The following ARHGAP32 variants were observed in gnomAD, a reference collection of about 807,000 sequenced individuals.
The protein encoded by ARHGAP32 is Rho GTPase activating protein 32, also known as rho GTPase-activating protein 32.
Under a neutral mutation model 186.5 loss-of-function variants are expected in ARHGAP32, and 51 were observed. The ratio of observed to expected loss-of-function variants is 0.27; its 90% CI spans 0.22 to 0.35. ARHGAP32 has a LOEUF of 0.35. Among genes scored for constraint, ARHGAP32 ranks in the 10% least tolerant of loss-of-function variants. ARHGAP32 has a pLI of 1.00. For synonymous variants in ARHGAP32, 950 were observed against 964.3 expected (o/e 0.99, Z 0.27); for missense variants, 2,186 against 2,623.5 (o/e 0.83, Z 3.64).
chr11:128,967,303 T>C lies in ARHGAP32; in HGVS notation c.*1604A>G, dbSNP rs1428899812. 1 of 152,210 alleles carries C rather than the reference T, an allele frequency of 6.6e-6. No homozygotes were observed. Among genetic ancestry groups the C allele is most frequent in the Non-Finnish European group, 1.5e-5 (1 of 68,018 alleles). 9.4% of individuals were successfully genotyped at this position (152,210 alleles called of 1,614,324 possible). Reference sequence around the variant, plus strand: ...AAAAGATTTCCTCCTTTGCTCTAAATAAAAATTAATTTCAAGTTCTAAAAA... The same window carrying C: ...AAAAGATTTCCTCCTTTGCTCTAAACAAAAATTAATTTCAAGTTCTAAAAA... On this transcript the variant is annotated 3_prime_UTR_variant, in exon 23 of 23. Transcript: ENST00000682385.
upstream of ARHGAP32, among the ~76,000 whole-genome samples, chr11:129,193,610 A>AAT (rs1289788565): frequency 1.4e-4 from 11 of 78,236 alleles, no homozygotes; most frequent in African/African-American, 4.2e-4. Flanking sequence ...TATAATATAT[A>AAT]ATATATGTTA....
At chr11:128,985,831 C>CGT (rs369790310) in intron 15 of ARHGAP32, 172 bp downstream of exon 15, 3,630 of 115,344 alleles carry the variant, frequency 0.031, 115 homozygotes, top group East Asian at 0.12. Context: ...TGTGTGTGTG[C>CGT]GTGTGTGTGT....
chr11:129,276,616 TG>T (rs1945535129), intron 1 of ARHGAP32, among the ~76,000 whole-genome samples: 1 of 152,230 alleles, frequency 6.6e-6, no homozygotes. Context: ...TTTATATGCA[TG>T]TTTTTTAAAT....
At position 129,129,075 on chromosome 11, in the gene ARHGAP32, C is replaced by T. The variant is rs575106655; in HGVS notation, c.226-4181G>A. On this transcript the variant is annotated intron_variant, in intron 2 of 22. Transcript: ENST00000682385. ...TGGGATGTGGGGAGCGCCTCTGCCC[C>T]GCCGCCCCGTCTGGGATGTGAAGGG... is the stretch of plus-strand genomic sequence containing the variant. 3.5e-3 allele frequency among the ~76,000 whole-genome samples: 532 copies of T among 151,544 alleles called. 2 individuals carry two copies. The highest frequency in any genetic ancestry group is 0.012 in the African/African-American group (512 of 41,230).
At chr11:129,196,516 T>A (rs1944393740), upstream of ARHGAP32, among the ~76,000 whole-genome samples, 1 of 152,228 alleles carries the variant, frequency 6.6e-6, no homozygotes, top group Non-Finnish European at 1.5e-5. Context: ...TATAAGTGAC[T>A]TGAGTATCTA....
In ARHGAP32 at chr11:129,275,810, C is replaced by T. The variant is rs536198815; in HGVS notation, c.-5+3336G>A. The stretch of plus-strand genomic sequence containing the variant: ...TATCCTTCTTTGGATTGTTTTCAAC[C>T]ATTTAAAAATATAAAAATCATTCTT... On this transcript the variant is annotated intron_variant, in intron 1 of 6. Coordinates refer to the ARHGAP32 transcript ENST00000525234. Among the ~76,000 whole-genome samples, 847 of 152,346 alleles carry T rather than the reference C, an allele frequency of 5.6e-3. 2 individuals carry two copies. The highest frequency in any genetic ancestry group is 0.051 in the Middle Eastern group (15 of 294).
intron 5 of ARHGAP32, among the ~76,000 whole-genome samples, chr11:129,120,507 A>AATTGTTTTTTAAG (rs1263414862): frequency 3.9e-5 from 6 of 152,134 alleles, no homozygotes; most frequent in Non-Finnish European, 8.8e-5. Flanking sequence ...AAAAGTACTG[A>AATTGTTTTTTAAG]CATGTCTAAA....
intron 3 of ARHGAP32, 119 bp downstream of exon 3, chr11:129,124,684 G>T: frequency 1.6e-6 from 1 of 644,660 alleles, no homozygotes; most frequent in East Asian, 2.8e-5. Context: ...TTAAGGATTA[G>T]CAGTTGCACA....
intron 10 of ARHGAP32, among the ~76,000 whole-genome samples, chr11:129,046,317 A>G (rs1939803552): frequency 6.7e-6 from 1 of 148,154 alleles, no homozygotes; most frequent in Admixed American, 6.6e-5. Context: ...TTTTTAATAC[A>G]ATTCATTTCA....
chr11:129,260,291 G>A (rs1040861460), intron 1 of ARHGAP32, among the ~76,000 whole-genome samples: 2 of 152,074 alleles, frequency 1.3e-5, no homozygotes, highest in Non-Finnish European at 2.9e-5. Flanking sequence ...TGGCGGCAAT[G>A]GTCTTATGAT....
At chr11:129,110,745 T>C (rs1942188124) in intron 5 of ARHGAP32, among the ~76,000 whole-genome samples, 1 of 152,230 alleles carries the variant, frequency 6.6e-6, no homozygotes, top group Non-Finnish European at 1.5e-5. Context: ...TCATTACTGC[T>C]ATATAGAAAT....
intron 1 of ARHGAP32, among the ~76,000 whole-genome samples, chr11:129,249,616 G>A (rs1188781880): frequency 6.6e-6 from 1 of 152,142 alleles, no homozygotes; most frequent in African/African-American, 2.4e-5. Flanking sequence ...TTTCCAATAT[G>A]TGGAATTCTT....
rs374481494 is a variant in ARHGAP32 at position 129,179,659 on chromosome 11, T to C, written c.116+12424A>G. ...GTCCTTTGTAGGGACATGGATGAAA[T>C]TGGAAATCATCATTCTCAGTAAACT... On this transcript the variant is annotated intron_variant, in intron 1 of 22. Coordinates refer to ENST00000682385, the MANE Select transcript of ARHGAP32 (RefSeq NM_001378024.1). 3.7e-3 allele frequency among the ~76,000 whole-genome samples: 555 copies of C among 151,986 alleles called. 3 individuals are homozygous for C. The highest frequency in any genetic ancestry group is 0.017 in the Middle Eastern group (5 of 292).
At chr11:129,184,284 G>A (rs1004288441) in intron 1 of ARHGAP32, among the ~76,000 whole-genome samples, 2 of 152,062 alleles carry the variant, frequency 1.3e-5, no homozygotes, top group East Asian at 3.9e-4. Context: ...AAACACAGCA[G>A]GGGAAAGGGC....
At chr11:129,131,686 G>T (rs1258527464) in intron 2 of ARHGAP32, among the ~76,000 whole-genome samples, 1 of 152,022 alleles carries the variant, frequency 6.6e-6, no homozygotes. Context: ...TCCAACTTTG[G>T]GAATTATAAT....
At chr11:129,185,152 C>T (rs1005815325) in intron 1 of ARHGAP32, among the ~76,000 whole-genome samples, 1 of 152,076 alleles carries the variant, frequency 6.6e-6, no homozygotes, top group Non-Finnish European at 1.5e-5. Context: ...CACATGCACA[C>T]GTATGTTTAT....
chr11:129,108,324 T>A (rs1487544004), intron 5 of ARHGAP32, among the ~76,000 whole-genome samples: 1 of 152,040 alleles, frequency 6.6e-6, no homozygotes, highest in East Asian at 1.9e-4. Flanking sequence ...TCCGTGTAGA[T>A]GACAACCAAA....
At chr11:129,183,424 G>A (rs1053415081) in intron 1 of ARHGAP32, among the ~76,000 whole-genome samples, 8 of 152,190 alleles carry the variant, frequency 5.3e-5, no homozygotes, top group Admixed American at 2.0e-4. Flanking sequence ...TTATGGTGCT[G>A]TGTATTTCCA....
chr11:129,000,715 T>G (rs1054541463), intron 11 of ARHGAP32, among the ~76,000 whole-genome samples: 1 of 152,128 alleles, frequency 6.6e-6, no homozygotes, highest in Non-Finnish European at 1.5e-5. Context: ...TAGGTCTTAC[T>G]CATTCTTTCT....
Sources: allele counts gnomAD v4.1 joint callset (sites outside exome capture counted in the v4.1 genomes callset), GRCh38; gene constraint gnomAD v4.1.1; transcripts MANE v1.5; gene names NCBI Gene and HGNC (gene_info 2026-07-23, HGNC 2026-07-21).